ZFHX3: variants seen among roughly 807,000 people sequenced by gnomAD.
ZFHX3 encodes the protein zinc finger homeobox 3, also known as zinc finger homeobox protein 3.
ZFHX3 carries 42 observed loss-of-function variants against 279.1 expected under a neutral mutation model. That is an observed-to-expected ratio of 0.15 (90% CI 0.12 to 0.19). ZFHX3 has a LOEUF of 0.19. Ranked by LOEUF, ZFHX3 falls within the 10% of genes least tolerant of loss-of-function variation. ZFHX3 has a pLI of 1.00. For synonymous variants in ZFHX3, 2,293 were observed against 1,957.8 expected (o/e 1.17, Z -4.52); for missense variants, 4,981 against 4,754.0 (o/e 1.05, Z -1.40).
intron 4 of ZFHX3, among the ~76,000 whole-genome samples, chr16:72,872,588 C>G (rs1480453365): frequency 6.6e-6 from 1 of 152,064 alleles, no homozygotes; most frequent in Non-Finnish European, 1.5e-5. Flanking sequence ...CTCCGGAGTA[C>G]CTGAGACTAC....
intron 2 of ZFHX3, among the ~76,000 whole-genome samples, chr16:73,524,405 G>C (rs2019657319): frequency 6.6e-6 from 1 of 152,184 alleles, no homozygotes; most frequent in Admixed American, 6.5e-5. Context: ...AACATCAACT[G>C]AAGTCTTGCG....
chr16:73,403,667 G>C (rs374557546), intron 3 of ZFHX3, among the ~76,000 whole-genome samples: 16 of 152,322 alleles, frequency 1.1e-4, no homozygotes, highest in African/African-American at 3.8e-4. Flanking sequence ...GGTCTGAACT[G>C]GGCGGGCTGG....
intron 3 of ZFHX3, among the ~76,000 whole-genome samples, chr16:72,925,189 G>A (rs1487636191): frequency 3.3e-5 from 5 of 152,204 alleles, no homozygotes; most frequent in African/African-American, 4.8e-5. Context: ...AGCCATTGCT[G>A]TGCTATCGAA....
intron 8 of ZFHX3, among the ~76,000 whole-genome samples, chr16:73,066,486 C>G (rs1052996314): frequency 6.6e-6 from 1 of 152,204 alleles, no homozygotes; most frequent in Non-Finnish European, 1.5e-5. Context: ...TCCGGCTCCC[C>G]GGAGACACCG....
intron 5 of ZFHX3, among the ~76,000 whole-genome samples, chr16:73,172,645 TGA>T (rs1308756552): frequency 6.6e-6 from 1 of 152,166 alleles, no homozygotes; most frequent in African/African-American, 2.4e-5. Context: ...GCCGGTTTTT[TGA>T]GAGAGAGAAA....
intron 2 of ZFHX3, among the ~76,000 whole-genome samples, chr16:73,529,546 G>A (rs1288057646): frequency 6.6e-6 from 1 of 152,176 alleles, no homozygotes; most frequent in Non-Finnish European, 1.5e-5. Context: ...CTGCCTCCTG[G>A]GAGCCTGCTG....
At chr16:73,191,463 C>T (rs1016062265) in intron 5 of ZFHX3, among the ~76,000 whole-genome samples, 3 of 152,076 alleles carry the variant, frequency 2.0e-5, no homozygotes, top group Non-Finnish European at 4.4e-5. Flanking sequence ...CCCGGGGGTA[C>T]AACAACCCAA....
Position 72,950,555 on chromosome 16 carries a change from C to G in ZFHX3, c.3130G>C (p.Ala1044Pro). 1.2e-6 allele frequency: 2 copies of G among 1,614,236 alleles called. No individual in the cohort carries two copies. ...IGNPVHLKCN[A>P]CDYYTNSLEK... is the part of the protein sequence containing the mutation. ...AGGCTGTTGGTGTAGTAGTCACAGG[C>G]GTTGCACTTGAGGTGCACGGGGTTG... The change falls in exon 3 of 10, where the codon GCC (alanine) becomes CCC (proline). Residue 1044 changes from alanine to proline, a missense_variant. Physicochemically the swap from Ala to Pro is conservative, Grantham distance 27 (BLOSUM62 -1). This residue lies in a region of ZFHX3 where 1,751 missense variants were observed against 1,770.0 expected (regional missense o/e 0.99). Coordinates refer to ENST00000268489, the MANE Select transcript of ZFHX3 (RefSeq NM_006885.4).
At chr16:73,549,927 G>C (rs2020178380) in intron 2 of ZFHX3, among the ~76,000 whole-genome samples, 1 of 151,140 alleles carries the variant, frequency 6.6e-6, no homozygotes, top group South Asian at 2.1e-4. Flanking sequence ...TAAGGCTCTA[G>C]ACAAACTGGG....
At chr16:73,669,968 C>T (rs2052885410) in intron 2 of ZFHX3, among the ~76,000 whole-genome samples, 1 of 152,184 alleles carries the variant, frequency 6.6e-6, no homozygotes, top group South Asian at 2.1e-4. Context: ...ATGATTGAGG[C>T]CAACAGCTTA....
chr16:73,596,807 T>C (rs890772187), intron 2 of ZFHX3, among the ~76,000 whole-genome samples: 1 of 152,214 alleles, frequency 6.6e-6, no homozygotes, highest in African/African-American at 2.4e-5. Flanking sequence ...CTATGCTATT[T>C]CAGATCTGCT....
chr16:73,728,018 C>CCT (rs1555535431), intron 1 of ZFHX3, among the ~76,000 whole-genome samples: 1 of 80,892 alleles, frequency 1.2e-5, no homozygotes, highest in Non-Finnish European at 2.6e-5. Context: ...GAATTGTGCC[C>CCT]CCCCCCCGCC....
At chr16:72,892,510 GT>G (rs34325397) in intron 3 of ZFHX3, among the ~76,000 whole-genome samples, 22,896 of 142,368 alleles carry the variant, frequency 0.16, 1,816 homozygotes, top group Non-Finnish European at 0.2. Context: ...TTATTTATTG[GT>G]TTTTTTTTTT....
chr16:73,762,949 C>A (rs1311328313), intron 1 of ZFHX3, among the ~76,000 whole-genome samples: 1 of 152,224 alleles, frequency 6.6e-6, no homozygotes, highest in East Asian at 1.9e-4. Flanking sequence ...AGTAACAAAC[C>A]TGCACATCCT....
intron 3 of ZFHX3, among the ~76,000 whole-genome samples, chr16:73,419,582 TC>T (rs2017674361): frequency 6.6e-6 from 1 of 152,062 alleles, no homozygotes; most frequent in Admixed American, 6.5e-5. Flanking sequence ...CCCTCAGTCT[TC>T]CCACCTTTGC....
At chr16:73,168,531 C>T (rs1285285734) in intron 5 of ZFHX3, among the ~76,000 whole-genome samples, 1 of 152,120 alleles carries the variant, frequency 6.6e-6, no homozygotes, top group Non-Finnish European at 1.5e-5. Context: ...GCTGGGATTG[C>T]AGGTGTGAGC....
intron 3 of ZFHX3, among the ~76,000 whole-genome samples, chr16:73,413,986 T>C (rs776605417): frequency 3.1e-4 from 47 of 152,202 alleles, no homozygotes; most frequent in Non-Finnish European, 4.9e-4. Flanking sequence ...CCAACACCCA[T>C]ACAAATGATC....
intron 2 of ZFHX3, among the ~76,000 whole-genome samples, chr16:73,552,690 C>T (rs144025473): frequency 1.3e-5 from 2 of 151,778 alleles, no homozygotes; most frequent in African/African-American, 4.9e-5. Flanking sequence ...TCTCAGAGGA[C>T]ATGAGTGTAA....
At chr16:73,632,640 C>T (rs939993555) in intron 2 of ZFHX3, among the ~76,000 whole-genome samples, 4 of 150,252 alleles carry the variant, frequency 2.7e-5, no homozygotes, top group East Asian at 2.0e-4. Context: ...GAGCTGAGAT[C>T]GCGCCACTGC....
Sources: allele counts gnomAD v4.1 joint callset (sites outside exome capture counted in the v4.1 genomes callset), GRCh38; gene constraint gnomAD v4.1.1; regional missense constraint gnomAD v4.1.1; transcripts MANE v1.5; gene names NCBI Gene and HGNC (gene_info 2026-07-23, HGNC 2026-07-21).